The following DNM2 variants were observed in gnomAD, a reference collection of about 807,000 sequenced individuals.
The protein encoded by DNM2 is dynamin-2.
In DNM2, 15 loss-of-function variants were observed where a neutral mutation model predicts 99.0. That is an observed-to-expected ratio of 0.15 (90% CI 0.10 to 0.23). DNM2 has a LOEUF of 0.23. Among genes scored for constraint, DNM2 ranks in the 10% least tolerant of loss-of-function variants. The pLI is 1.00. For missense variants in DNM2, 742 were observed against 1,189.4 expected (o/e 0.62, Z 5.53); for synonymous variants, 525 against 481.2 (o/e 1.09, Z -1.19).
At chr19:10,748,793 T>C (rs2070088639) in intron 1 of DNM2, among the ~76,000 whole-genome samples, 1 of 152,182 alleles carries the variant, frequency 6.6e-6, no homozygotes, top group African/African-American at 2.4e-5. Flanking sequence ...TCAACCCCTC[T>C]GGGGTTGTCA....
In DNM2 at chr19:10,830,210, CCCT is replaced by C. The variant is rs2073289554; in HGVS notation, c.2376_2378del (p.Leu793del). 6.2e-7 allele frequency: 1 copy of C among 1,613,866 alleles called. No homozygotes were observed. The highest frequency in any genetic ancestry group is 1.1e-5 in the South Asian group (1 of 91,082). On this transcript the variant is annotated inframe_deletion, in exon 20 of 21. Transcript: ENST00000389253. The surrounding 1 kb of genome is among the most constrained non-coding windows in gnomAD (Gnocchi z 4.8). ...GTGAGGGGCCCCACTCCAGGGCCCC[CCCT>C]GATTCCTGTTCCCGTGGGGGCAGCA... is the stretch of plus-strand genomic sequence containing the variant.
chr19:10,743,947 T>C (rs1041252919), intron 1 of DNM2, among the ~76,000 whole-genome samples: 2 of 149,270 alleles, frequency 1.3e-5, no homozygotes, highest in Non-Finnish European at 3.0e-5. Context: ...GATCACGCCA[T>C]TGCACTCCAG....
intron 1 of DNM2, among the ~76,000 whole-genome samples, chr19:10,741,830 C>T (rs1442080936): frequency 6.6e-6 from 1 of 152,130 alleles, no homozygotes; most frequent in East Asian, 1.9e-4. Flanking sequence ...GGATTACAGG[C>T]GTGAGCCACC....
At chr19:10,799,480 C>A (rs1443563233) in intron 11 of DNM2, among the ~76,000 whole-genome samples, 2 of 151,792 alleles carry the variant, frequency 1.3e-5, no homozygotes, top group African/African-American at 4.8e-5. Context: ...ACAGCAAGGA[C>A]CTCCACTTGC....
At chr19:10,743,243 C>T (rs1042122444) in intron 1 of DNM2, among the ~76,000 whole-genome samples, 1 of 151,980 alleles carries the variant, frequency 6.6e-6, no homozygotes, top group African/African-American at 2.4e-5. Context: ...CTAGCATTTG[C>T]TGAACACCTG....
chr19:10,754,263 T>TTG (rs902276834), intron 1 of DNM2, among the ~76,000 whole-genome samples: 9 of 151,528 alleles, frequency 5.9e-5, no homozygotes, highest in African/African-American at 1.9e-4. Context: ...TTAAGTCTTT[T>TTG]TTTTTTTTTT....
chr19:10,727,473 T>A (rs1350914987), intron 1 of DNM2, among the ~76,000 whole-genome samples: 1 of 152,018 alleles, frequency 6.6e-6, no homozygotes, highest in East Asian at 1.9e-4. Context: ...TCAAGGGATC[T>A]TCCCACTTCA....
intron 1 of DNM2, among the ~76,000 whole-genome samples, chr19:10,735,945 T>G (rs74257927): frequency 0.1 from 15,544 of 152,116 alleles, 1,229 homozygotes; most frequent in East Asian, 0.37. Flanking sequence ...CTGTCCTTTC[T>G]CCAAAACCAC....
chr19:10,818,620 G>T lies in DNM2; in HGVS notation c.1672-1360G>T, dbSNP rs766838853. On this transcript the variant is annotated intron_variant, in intron 15 of 20. Coordinates refer to ENST00000389253, the MANE Select transcript of DNM2 (RefSeq NM_001005361.3). The surrounding 1 kb of genome is among the most constrained non-coding windows in gnomAD (Gnocchi z 4.3). ...TTGCAAAGTCCTGACAGTCCCAGCT[G>T]GCCCCCACTTGCCAGGGAGCCCCCG... 3.9e-5 allele frequency among the ~76,000 whole-genome samples: 6 copies of T among 152,200 alleles called. No individual in the cohort carries two copies. The highest frequency in any genetic ancestry group is 8.8e-5 in the Non-Finnish European group (6 of 68,032).
intron 1 of DNM2, among the ~76,000 whole-genome samples, chr19:10,757,946 A>G (rs1173446335): frequency 6.7e-6 from 1 of 148,580 alleles, no homozygotes; most frequent in African/African-American, 2.5e-5. Flanking sequence ...TCTGTCTCAA[A>G]AAAAAAAAAA....
chr19:10,831,337 A>C lies in DNM2; in HGVS notation c.*290A>C. ...ACCAGAACCCTTGACACCATCCTGA[A>C]TGAGGGGTCCAGCCTGGGGGGGACT... On this transcript the variant is annotated 3_prime_UTR_variant, in exon 21 of 21. Coordinates refer to ENST00000389253, the MANE Select transcript of DNM2 (RefSeq NM_001005361.3). This position sits in a 1 kb window ranked among gnomAD's most constrained non-coding sequence, Gnocchi z 4.3. The C allele has an allele frequency of 8.4e-7, 1 of 1,191,846 alleles. No individual in the cohort carries two copies. Among genetic ancestry groups the C allele is most frequent in the African/African-American group, 1.6e-5 (1 of 62,804 alleles). The allele number at this position is 1,191,846 out of a possible 1,614,324, so 73.8% of individuals were successfully genotyped here.
At chr19:10,749,919 G>A (rs950241963) in intron 1 of DNM2, among the ~76,000 whole-genome samples, 2 of 152,184 alleles carry the variant, frequency 1.3e-5, no homozygotes, top group African/African-American at 4.8e-5. Flanking sequence ...CTGGCAGAGG[G>A]AACACCCCCT....
chr19:10,791,535 G>A (rs1005522965), intron 7 of DNM2, among the ~76,000 whole-genome samples: 17 of 151,420 alleles, frequency 1.1e-4, no homozygotes, highest in African/African-American at 3.9e-4. Context: ...CCCGAATTCC[G>A]CGGGACACCG....
Position 10,831,115 on chromosome 19 carries a change from G to A in DNM2, c.*68G>A, listed in dbSNP as rs922577935. 1.0e-4 allele frequency: 152 copies of A among 1,522,572 alleles called. No individual in the cohort carries two copies. The highest frequency in any genetic ancestry group is 1.3e-4 in the Non-Finnish European group (144 of 1,134,848). 94.3% of individuals were successfully genotyped at this position (1,522,572 alleles called of 1,614,324 possible). On this transcript the variant is annotated 3_prime_UTR_variant, in exon 21 of 21. Transcript: ENST00000389253. The surrounding 1 kb of genome is among the most constrained non-coding windows in gnomAD (Gnocchi z 4.3). ...CGGCGCAGGAGCTTCAGTGGTCTGG[G>A]GCCCTCCGCCGCCCCTATGCTGGGA...
intron 15 of DNM2, among the ~76,000 whole-genome samples, chr19:10,814,097 G>A (rs1442512174): frequency 6.6e-6 from 1 of 152,156 alleles, no homozygotes; most frequent in East Asian, 1.9e-4. Flanking sequence ...GGGAGGTGGA[G>A]GTGGAGTTTG....
In DNM2 at chr19:10,772,641, G is replaced by A. The variant is rs377633348; in HGVS notation, c.385+13G>A. The A allele has an allele frequency of 2.5e-6, 4 of 1,613,858 alleles. No homozygotes were observed. Among genetic ancestry groups the A allele is most frequent in the Non-Finnish European group, 2.5e-6 (3 of 1,180,030 alleles). ...TACTCGCCACACGGTAGGCAGCACG[G>A]GTGGGGACCCATCACTGACCGTTTC... On this transcript the variant is annotated intron_variant, in intron 3 of 20. Transcript: ENST00000389253. This position sits in a 1 kb window ranked among gnomAD's most constrained non-coding sequence, Gnocchi z 4.9.
At chr19:10,793,169 T>C (rs2071813650) in intron 7 of DNM2, among the ~76,000 whole-genome samples, 1 of 152,122 alleles carries the variant, frequency 6.6e-6, no homozygotes, top group Non-Finnish European at 1.5e-5. Flanking sequence ...TTCTTGGAGG[T>C]AATGAGATCT....
At chr19:10,733,844 T>TA (rs2069424746) in intron 1 of DNM2, among the ~76,000 whole-genome samples, 1 of 150,584 alleles carries the variant, frequency 6.6e-6, no homozygotes, top group African/African-American at 2.4e-5. Context: ...CCATCTCTAC[T>TA]AAAAATACAA....
intron 7 of DNM2, among the ~76,000 whole-genome samples, chr19:10,790,381 AG>A: frequency 6.6e-6 from 1 of 152,294 alleles, no homozygotes; most frequent in Non-Finnish European, 1.5e-5. Flanking sequence ...TGCAGGGCAA[AG>A]ACCCCAGCAG....
Sources: gnomAD v4.1 joint callset for allele counts (sites outside exome capture counted in the v4.1 genomes callset) on GRCh38, gnomAD v4.1.1 for gene constraint, Gnocchi (gnomAD v3.1) non-coding constraint, MANE v1.5 for transcripts, NCBI Gene and HGNC (gene_info 2026-07-23, HGNC 2026-07-21) for gene names.